The following SCYL3 variants were observed in gnomAD, a reference collection of about 807,000 sequenced individuals.
SCYL3 encodes protein-associating with the carboxyl-terminal domain of ezrin.
In SCYL3, 35 loss-of-function variants were observed where a neutral mutation model predicts 73.8. The observed-to-expected ratio is 0.47, with a 90% CI of 0.36 to 0.63. SCYL3 has a LOEUF of 0.63. Among genes scored for constraint, SCYL3 ranks in the 20% least tolerant of loss-of-function variants. The pLI is 0.00. For missense variants in SCYL3, 712 were observed against 798.9 expected, an observed-to-expected ratio of 0.89 and a Z score of 1.31; for synonymous variants, 277 against 295.2, an observed-to-expected ratio of 0.94 and a Z score of 0.63.
At chr1:169,867,676 T>C (rs1431241969) in intron 7 of SCYL3, among the ~76,000 whole-genome samples, 1 of 152,232 alleles carries the variant, frequency 6.6e-6, no homozygotes, top group African/African-American at 2.4e-5. Context: ...AGCAAAGATG[T>C]CTAAACTTAA....
chr1:169,868,882 G>T, intron 7 of SCYL3, 46 bp downstream of exon 7: 1 of 1,369,076 alleles, frequency 7.3e-7, no homozygotes, highest in Non-Finnish European at 1.0e-6. Context: ...AGAGCAGGCA[G>T]CAGTGTTCCG....
intron 2 of SCYL3, among the ~76,000 whole-genome samples, chr1:169,888,376 A>G (rs375391582): frequency 5.8e-4 from 89 of 152,356 alleles, no homozygotes; most frequent in South Asian, 1.0e-3. Context: ...ATAGCTCCTT[A>G]TATCTTATAT....
Position 169,851,006 on chromosome 1 carries a change from TATTTG to T in SCYL3, c.*2702_*2706del, listed in dbSNP as rs796501058. ...TTTTTTTTTTTTTTTTTTTTTTTTTTATTTGGGCAGCCTCCCAAGCCAGGGTAAGC... is the reference window on the plus strand; with the variant it reads ...TTTTTTTTTTTTTTTTTTTTTTTTTTGGCAGCCTCCCAAGCCAGGGTAAGC... On this transcript the variant is annotated 3_prime_UTR_variant, in exon 13 of 13. Transcript: ENST00000367771. 3.0e-4 allele frequency: 10 copies of T among 33,166 alleles called. 1 individual carries two copies. Among genetic ancestry groups the T allele is most frequent in the East Asian group, 2.8e-3 (2 of 706 alleles). The allele number at this position is 33,166 out of a possible 1,614,324, so 2.1% of individuals were successfully genotyped here.
chr1:169,859,864 C>T (rs2102143754), intron 10 of SCYL3: 1 of 152,316 alleles, frequency 6.6e-6, no homozygotes, highest in African/African-American at 2.4e-5. Flanking sequence ...GATTGGGTGT[C>T]TGCACTAAAT....
chr1:169,884,896 C>G (rs1661568976), intron 2 of SCYL3, among the ~76,000 whole-genome samples: 1 of 152,214 alleles, frequency 6.6e-6, no homozygotes, highest in African/African-American at 2.4e-5. Flanking sequence ...ATTATGCACA[C>G]AGATTCACAG....
At position 169,852,517 on chromosome 1, in the gene SCYL3, G is replaced by A; in HGVS notation, c.*1196C>T. The A allele has an allele frequency of 4.3e-6, 2 of 460,386 alleles. No individual in the cohort carries two copies. The highest frequency in any genetic ancestry group is 7.8e-6 in the Non-Finnish European group (2 of 257,964). 28.5% of individuals were successfully genotyped at this position (460,386 alleles called of 1,614,324 possible). A position where few individuals can be genotyped will look rare whatever the true frequency, so the allele number is the denominator to read the frequency against. On this transcript the variant is annotated 3_prime_UTR_variant, in exon 13 of 13. Transcript: ENST00000367771. ...AAGACATGTAAGCTTGGACTATGCA[G>A]CACTTCTCATTGGGAGCCCTTTGGG...
rs575466583 is a variant in SCYL3, at chr1:169,853,104, C to CTTTA, written c.*605_*608dup. The CTTTA allele has an allele frequency of 1.6e-5, 15 of 926,876 alleles. No homozygotes were observed. In the African/African-American group the frequency reaches 2.5e-4, roughly 16 times the overall value. The allele number at this position is 926,876 out of a possible 1,614,324, so 57.4% of individuals were successfully genotyped here. On this transcript the variant is annotated 3_prime_UTR_variant, in exon 13 of 13. Transcript: ENST00000367771. ...TAAAGTTGAATCTAGTGAAAATAATCTTTATTTGACATTTAGAGAACAGGA... is the reference window on the plus strand; with the variant it reads ...TAAAGTTGAATCTAGTGAAAATAATCTTTATTTATTTGACATTTAGAGAACAGGA...
At chr1:169,868,856 A>T in intron 7 of SCYL3, 72 bp downstream of exon 7, 2 of 1,086,602 alleles carry the variant, frequency 1.8e-6, no homozygotes, top group Non-Finnish European at 2.8e-6. Context: ...CCCCACTGCC[A>T]CTTATCCAAG....
At chr1:169,884,204 A>T (rs1200932458) in intron 2 of SCYL3, among the ~76,000 whole-genome samples, 1 of 152,240 alleles carries the variant, frequency 6.6e-6, no homozygotes, top group Non-Finnish European at 1.5e-5. Flanking sequence ...TAATAAATAC[A>T]GCAAAGATCC....
At position 169,854,762 on chromosome 1, in the gene SCYL3, C is replaced by T. The variant is rs1272285145; in HGVS notation, c.1515G>A (p.Gln505=). 1.2e-6 allele frequency: 2 copies of T among 1,614,014 alleles called. No homozygotes were observed. The highest frequency in any genetic ancestry group is 1.7e-5 in the Admixed American group (1 of 60,012). Residue 505 remains glutamine (Q), a synonymous_variant, in exon 12 of 13, where the codon CAG becomes CAA. Transcript: ENST00000367771. ...PREPCDDVKS[Q]CTTLDVEESS... is the part of the protein sequence containing the mutation. ...ACTCTTCCACATCCAAGGTAGTGCACTGGGACTTGACATCATCACAAGGTT... is the reference window on the plus strand; with the variant it reads ...ACTCTTCCACATCCAAGGTAGTGCATTGGGACTTGACATCATCACAAGGTT...
At chr1:169,863,688 C>G (rs1659825920) in intron 9 of SCYL3, among the ~76,000 whole-genome samples, 1 of 152,050 alleles carries the variant, frequency 6.6e-6, no homozygotes, top group Admixed American at 6.5e-5. Context: ...CTATGTAAGA[C>G]CTACTGAGGA....
At chr1:169,866,439 C>T (rs1660037525) in intron 8 of SCYL3, among the ~76,000 whole-genome samples, 1 of 152,198 alleles carries the variant, frequency 6.6e-6, no homozygotes, top group Admixed American at 6.5e-5. Flanking sequence ...GCCTGAAGTC[C>T]CCTATTTACA....
At chr1:169,889,527 C>T (rs1224262069) in intron 1 of SCYL3, among the ~76,000 whole-genome samples, 1 of 152,126 alleles carries the variant, frequency 6.6e-6, no homozygotes, top group Non-Finnish European at 1.5e-5. Flanking sequence ...TCGCACTACT[C>T]TTCAAAGCTA....
chr1:169,852,237 G>T lies in SCYL3; in HGVS notation c.*1476C>A. Reference sequence around the variant, plus strand: ...TACTGAACCACAGAAGAAAATGAAAGAAACTTACTCCTAAATGTTTAGTTT... The same window carrying T: ...TACTGAACCACAGAAGAAAATGAAATAAACTTACTCCTAAATGTTTAGTTT... On this transcript the variant is annotated 3_prime_UTR_variant, in exon 13 of 13. Coordinates refer to ENST00000367771, the MANE Select transcript of SCYL3 (RefSeq NM_020423.7). The T allele has an allele frequency of 5.5e-6, 2 of 366,318 alleles. No individual in the cohort carries two copies. The highest frequency in any genetic ancestry group is 5.0e-6 in the Non-Finnish European group (1 of 201,044). The allele number at this position is 366,318 out of a possible 1,614,324, so 22.7% of individuals were successfully genotyped here.
At position 169,849,730 on chromosome 1, in the gene SCYL3, A is replaced by T. The variant is rs116676218; in HGVS notation, c.*3983T>A. The T allele has an allele frequency of 1.3e-5, 9 of 695,712 alleles. No individual in the cohort carries two copies. Among genetic ancestry groups the T allele is most frequent in the Non-Finnish European group, 2.2e-5 (9 of 412,502 alleles). 43.1% of individuals were successfully genotyped at this position (695,712 alleles called of 1,614,324 possible). A position where few individuals can be genotyped will look rare whatever the true frequency, so the allele number is the denominator to read the frequency against. Reference sequence around the variant, plus strand: ...GCAATCGGAAAATTGTCTGAAGGGTACATTACTCGTTATCTCTTTTACAGC... The same window carrying T: ...GCAATCGGAAAATTGTCTGAAGGGTTCATTACTCGTTATCTCTTTTACAGC... On this transcript the variant is annotated 3_prime_UTR_variant, in exon 13 of 13. Transcript: ENST00000367771.
At position 169,852,839 on chromosome 1, in the gene SCYL3, G is replaced by A. The variant is rs1312604337; in HGVS notation, c.*874C>T. 6.2e-7 allele frequency: 1 copy of A among 1,614,126 alleles called. No individual in the cohort carries two copies. Among genetic ancestry groups the A allele is most frequent in the Admixed American group, 1.7e-5 (1 of 60,020 alleles). ...GAGTTCCCCTGGGAAGAAGAGTACA[G>A]GTCAGCGCTGCATACAATAGCAGGG... On this transcript the variant is annotated 3_prime_UTR_variant, in exon 13 of 13. Coordinates refer to ENST00000367771, the MANE Select transcript of SCYL3 (RefSeq NM_020423.7).
chr1:169,856,425 AAATTAGTTTCAAG>A (rs1659165687), intron 11 of SCYL3, among the ~76,000 whole-genome samples: 1 of 152,232 alleles, frequency 6.6e-6, no homozygotes, highest in Non-Finnish European at 1.5e-5. Context: ...ACTGGGGAAA[AAATTAGTTTCAAG>A]AAATGTCCTT....
chr1:169,887,830 A>C (rs1571461469), intron 2 of SCYL3, among the ~76,000 whole-genome samples: 1 of 152,160 alleles, frequency 6.6e-6, no homozygotes, highest in East Asian at 1.9e-4. Flanking sequence ...TACTAATATA[A>C]TCCTTTATAA....
intron 5 of SCYL3, among the ~76,000 whole-genome samples, chr1:169,870,811 A>G (rs1445098851): frequency 1.3e-5 from 2 of 152,130 alleles, no homozygotes; most frequent in Non-Finnish European, 2.9e-5. Context: ...AAAACCCGCA[A>G]ATCACCGATT....
Sources: allele counts gnomAD v4.1 joint callset (sites outside exome capture counted in the v4.1 genomes callset), GRCh38; gene constraint gnomAD v4.1.1; transcripts MANE v1.5; gene names NCBI Gene and HGNC (gene_info 2026-07-23, HGNC 2026-07-21).